Variants in CDK14 observed in about 807,000 individuals in gnomAD.
CDK14 encodes the protein cyclin dependent kinase 14, also known as cyclin-dependent kinase 14.
CDK14 carries 34 observed loss-of-function variants against 60.7 expected under a neutral mutation model. The observed-to-expected ratio is 0.56, with a 90% CI of 0.43 to 0.75. The LOEUF is 0.75. Ranked by LOEUF, CDK14 falls within the 30% of genes least tolerant of loss-of-function variation. The pLI is 0.00. For synonymous variants in CDK14, 197 were observed against 203.7 expected (o/e 0.97, Z 0.28); for missense variants, 482 against 564.1 (o/e 0.85, Z 1.47).
At chr7:90,834,167 T>C (rs757811430) in intron 5 of CDK14, among the ~76,000 whole-genome samples, 2 of 152,188 alleles carry the variant, frequency 1.3e-5, no homozygotes, top group African/African-American at 2.4e-5. Context: ...GAAAATAAGA[T>C]GGAAGCAATT....
chr7:91,090,699 C>T (rs1485947183), intron 12 of CDK14, among the ~76,000 whole-genome samples: 1 of 152,194 alleles, frequency 6.6e-6, no homozygotes, highest in Non-Finnish European at 1.5e-5. Flanking sequence ...TCCTATGACT[C>T]TGCCCCAGGA....
chr7:90,807,092 C>A (rs916692543), intron 5 of CDK14, among the ~76,000 whole-genome samples: 1 of 152,238 alleles, frequency 6.6e-6, no homozygotes, highest in Non-Finnish European at 1.5e-5. Flanking sequence ...ACTTAAATGT[C>A]CCTGTCTGAC....
At chr7:90,872,070 T>C (rs1791387813) in intron 6 of CDK14, among the ~76,000 whole-genome samples, 1 of 152,208 alleles carries the variant, frequency 6.6e-6, no homozygotes, top group Non-Finnish European at 1.5e-5. Context: ...ATCCTTAAGT[T>C]CTAGAGATAC....
At chr7:91,176,398 A>C (rs1050879141) in intron 14 of CDK14, among the ~76,000 whole-genome samples, 15 of 152,196 alleles carry the variant, frequency 9.9e-5, no homozygotes, top group Admixed American at 2.6e-4. Context: ...CAATTAAAAG[A>C]ACTAGAAAAG....
chr7:90,841,062 G>A (rs1790272961), intron 5 of CDK14, among the ~76,000 whole-genome samples: 17 of 152,044 alleles, frequency 1.1e-4, no homozygotes, highest in Admixed American at 1.0e-3. Context: ...AGAATTTGAT[G>A]GATTTTTGTG....
chr7:91,117,676 G>A (rs1799650118), intron 13 of CDK14, among the ~76,000 whole-genome samples: 1 of 152,102 alleles, frequency 6.6e-6, no homozygotes, highest in Non-Finnish European at 1.5e-5. Flanking sequence ...TAACAACAGG[G>A]ATTTCCTTTC....
intron 5 of CDK14, among the ~76,000 whole-genome samples, chr7:90,838,032 G>T (rs1281414107): frequency 1.3e-5 from 2 of 152,146 alleles, no homozygotes; most frequent in Non-Finnish European, 2.9e-5. Flanking sequence ...AGTTCCCTCT[G>T]CTGCAACGGG....
intron 14 of CDK14, among the ~76,000 whole-genome samples, chr7:91,194,804 T>C (rs1470818874): frequency 1.3e-5 from 2 of 152,290 alleles, no homozygotes; most frequent in South Asian, 2.1e-4. Flanking sequence ...CTGCACTGTG[T>C]GGGAGATTCT....
intron 2 of CDK14, among the ~76,000 whole-genome samples, chr7:90,652,878 A>G (rs1413749042): frequency 6.6e-6 from 1 of 152,180 alleles, no homozygotes; most frequent in Non-Finnish European, 1.5e-5. Flanking sequence ...ATCATGATAG[A>G]TAGAAGTGAA....
chr7:91,040,573 T>C (rs1161310438), intron 10 of CDK14, among the ~76,000 whole-genome samples: 1 of 152,224 alleles, frequency 6.6e-6, no homozygotes, highest in Non-Finnish European at 1.5e-5. Context: ...CCATTTAAAA[T>C]CCACATCGCC....
At chr7:90,698,498 A>G (rs889265757) in intron 2 of CDK14, among the ~76,000 whole-genome samples, 1 of 152,212 alleles carries the variant, frequency 6.6e-6, no homozygotes, top group Middle Eastern at 3.2e-3. Context: ...TGAGTCACCA[A>G]ATTTTAATAA....
intron 2 of CDK14, among the ~76,000 whole-genome samples, chr7:90,693,410 G>A (rs927567295): frequency 1.3e-5 from 2 of 152,142 alleles, no homozygotes; most frequent in Admixed American, 6.6e-5. Context: ...CCAGCTGGGG[G>A]TAGACATCAT....
chr7:90,963,121 G>T (rs4392831), intron 9 of CDK14, among the ~76,000 whole-genome samples: 30 of 142,324 alleles, frequency 2.1e-4, no homozygotes, highest in East Asian at 6.1e-4. Flanking sequence ...GTGTGTGTGT[G>T]TGTTTTAATT....
At chr7:90,949,041 AAG>A (rs1190034604) in intron 8 of CDK14, among the ~76,000 whole-genome samples, 7 of 152,188 alleles carry the variant, frequency 4.6e-5, no homozygotes, top group African/African-American at 1.7e-4. Flanking sequence ...TCTATGCAAA[AAG>A]AGAAAAAACA....
At chr7:90,963,772 A>G (rs1247525253) in intron 9 of CDK14, among the ~76,000 whole-genome samples, 1 of 141,642 alleles carries the variant, frequency 7.1e-6, no homozygotes, top group Admixed American at 7.5e-5. Flanking sequence ...CTGTAGTGCA[A>G]TGGCGCGATC....
chr7:91,009,205 CT>C (rs200217228), intron 10 of CDK14, among the ~76,000 whole-genome samples: 2 of 151,824 alleles, frequency 1.3e-5, no homozygotes, highest in African/African-American at 2.4e-5. Flanking sequence ...GTTGTTTATT[CT>C]TTTTTTTATT....
chr7:90,998,109 A>G (rs1795737756), intron 10 of CDK14, among the ~76,000 whole-genome samples: 2 of 152,194 alleles, frequency 1.3e-5, no homozygotes, highest in East Asian at 1.9e-4. Flanking sequence ...ATATACCATC[A>G]TGTCAAATTA....
At chr7:91,067,729 T>C (rs1332683776) in intron 11 of CDK14, among the ~76,000 whole-genome samples, 2 of 152,230 alleles carry the variant, frequency 1.3e-5, no homozygotes, top group Admixed American at 1.3e-4. Context: ...ATCAATTTAG[T>C]CTCTTTTGTG....
chr7:90,596,612 G>C lies in CDK14; in HGVS notation c.-16G>C. On this transcript the variant is annotated 5_prime_UTR_variant, in exon 1 of 15. Transcript: ENST00000380050. Reference sequence around the variant, plus strand: ...GGACCAGTTTGGGGAAGTTGTCGGGGCTCCGCGTCGCCCAGATGTGTGACC... The same window carrying C: ...GGACCAGTTTGGGGAAGTTGTCGGGCCTCCGCGTCGCCCAGATGTGTGACC... The C allele has an allele frequency of 7.5e-6, 12 of 1,609,754 alleles. No homozygotes were observed. The highest frequency in any genetic ancestry group is 1.0e-5 in the Non-Finnish European group (12 of 1,177,678).
Sources: allele counts gnomAD v4.1 joint callset (sites outside exome capture counted in the v4.1 genomes callset), GRCh38; gene constraint gnomAD v4.1.1; transcripts MANE v1.5; gene names NCBI Gene and HGNC (gene_info 2026-07-23, HGNC 2026-07-21).